PEX14: variants seen among roughly 807,000 people sequenced by gnomAD.
The protein encoded by PEX14 is peroxisomal biogenesis factor 14.
Under a neutral mutation model 49.5 loss-of-function variants are expected in PEX14, and 15 were observed. The ratio of observed to expected loss-of-function variants is 0.30; its 90% CI spans 0.20 to 0.47. The LOEUF (loss-of-function observed/expected upper bound fraction) is 0.47. PEX14 is among the 20% of genes least tolerant of loss of function. PEX14 has a pLI of 1.00. For missense variants in PEX14, 398 were observed against 494.8 expected, an observed-to-expected ratio of 0.80 and a Z score of 1.86; for synonymous variants, 210 against 212.7, an observed-to-expected ratio of 0.99 and a Z score of 0.11.
chr1:10,555,642 A>AGTGTGTGTGTGTGTGTGT (rs56824548), intron 3 of PEX14, among the ~76,000 whole-genome samples: 40 of 149,370 alleles, frequency 2.7e-4, no homozygotes, highest in Non-Finnish European at 5.8e-4. Context: ...GCAAGGTGTG[A>AGTGTGTGTGTGTGTGTGT]GTGTGTGTGT....
intron 4 of PEX14, among the ~76,000 whole-genome samples, 191 bp from the exon 5 acceptor site, chr1:10,618,141 A>G (rs1441473901): frequency 6.6e-6 from 1 of 152,184 alleles, no homozygotes; most frequent in Non-Finnish European, 1.5e-5. Context: ...GTCCCAGTTG[A>G]GGCAGTGGGA....
In PEX14 at chr1:10,494,506, C is replaced by G. The variant is rs1040415218; in HGVS notation, c.37-768C>G. ...AGAATCTGTCTCTACCTCTGCCTCTCCCTTTCTCTAAATTTTGGCCAGATC... is the reference window on the plus strand; with the variant it reads ...AGAATCTGTCTCTACCTCTGCCTCTGCCTTTCTCTAAATTTTGGCCAGATC... On this transcript the variant is annotated intron_variant, in intron 1 of 8. Transcript: ENST00000356607. The surrounding 1 kb of genome is among the most constrained non-coding windows in gnomAD (Gnocchi z 4.3). 1.3e-5 allele frequency among the ~76,000 whole-genome samples: 2 copies of G among 152,224 alleles called. No homozygotes were observed. The highest frequency in any genetic ancestry group is 4.8e-5 in the African/African-American group (2 of 41,462).
chr1:10,602,407 G>C (rs76369603), intron 4 of PEX14, among the ~76,000 whole-genome samples: 21,065 of 151,092 alleles, frequency 0.14, 1,876 homozygotes, highest in Non-Finnish European at 0.19. Context: ...TTTGCCAAGA[G>C]GTGTCAAAAC....
chr1:10,591,635 CTGTGTGTGTGTGTG>C (rs61635531), intron 3 of PEX14, among the ~76,000 whole-genome samples: 192 of 139,740 alleles, frequency 1.4e-3, no homozygotes, highest in African/African-American at 4.6e-3. Flanking sequence ...GGTATACACA[CTGTGTGTGTGTGTG>C]TGTGTGTGTG....
At chr1:10,519,767 CT>C (rs1357158665) in intron 2 of PEX14, among the ~76,000 whole-genome samples, 1 of 152,200 alleles carries the variant, frequency 6.6e-6, no homozygotes, top group Non-Finnish European at 1.5e-5. Flanking sequence ...TTACTAGTGA[CT>C]TTTAAAAACT....
At chr1:10,480,208 T>TTTTTG (rs1641259016) in intron 1 of PEX14, among the ~76,000 whole-genome samples, 1 of 151,318 alleles carries the variant, frequency 6.6e-6, no homozygotes, top group Admixed American at 6.6e-5. Context: ...ATGTTTTTTT[T>TTTTTG]TTTTGTTTTG....
In PEX14 at chr1:10,557,923, C is replaced by T. The variant is rs533646898; in HGVS notation, c.169+21626C>T. Reference sequence around the variant, plus strand: ...AACAGGGAATATAACTTTATTTTTTCCTGTTGACCAACTGGATAGTCTCAG... The same window carrying T: ...AACAGGGAATATAACTTTATTTTTTTCTGTTGACCAACTGGATAGTCTCAG... On this transcript the variant is annotated intron_variant, in intron 3 of 8. Coordinates refer to ENST00000356607, the MANE Select transcript of PEX14 (RefSeq NM_004565.3). Among the ~76,000 whole-genome samples the T allele has an allele frequency of 2.8e-4, 42 of 150,782 alleles. 1 individual carries two copies. Among genetic ancestry groups the T allele is most frequent in the African/African-American group, 9.5e-4 (39 of 40,970 alleles).
At chr1:10,563,725 C>T (rs1178397916) in intron 3 of PEX14, among the ~76,000 whole-genome samples, 1 of 151,876 alleles carries the variant, frequency 6.6e-6, no homozygotes, top group African/African-American at 2.4e-5. Context: ...GAGATTGAGA[C>T]CACGGTGAAA....
Position 10,512,692 on chromosome 1 carries a change from CTTTT to C in PEX14, c.84+17379_84+17382del, listed in dbSNP as rs57693471. Among the ~76,000 whole-genome samples, 2 of 147,260 alleles carry C rather than the reference CTTTT, an allele frequency of 1.4e-5. No homozygotes were observed. The highest frequency in any genetic ancestry group is 5.0e-5 in the African/African-American group (2 of 40,332). ...TGAAATGCTCCCTGTTCTTTTCCTT[CTTTT>C]TTTTTTTAACTTTTATTTTTTATGA... On this transcript the variant is annotated intron_variant, in intron 2 of 8. Transcript: ENST00000356607. The surrounding 1 kb of genome is among the most constrained non-coding windows in gnomAD (Gnocchi z 4.6).
chr1:10,582,350 T>C (rs1003762515), intron 3 of PEX14, among the ~76,000 whole-genome samples: 3 of 152,152 alleles, frequency 2.0e-5, no homozygotes, highest in African/African-American at 4.8e-5. Flanking sequence ...ATTTTAGGTT[T>C]TGGGGATACA....
intron 3 of PEX14, among the ~76,000 whole-genome samples, chr1:10,555,031 G>A (rs1317025836): frequency 6.6e-6 from 1 of 152,142 alleles, no homozygotes; most frequent in Non-Finnish European, 1.5e-5. Flanking sequence ...GTGGAAAGCA[G>A]CCTTCTTCTT....
chr1:10,536,494 G>A (rs557934225), intron 3 of PEX14, 197 bp downstream of exon 3: 11 of 606,036 alleles, frequency 1.8e-5, no homozygotes, highest in East Asian at 2.9e-5. Context: ...AAGATGACAC[G>A]ATTCGGGTAA....
intron 3 of PEX14, among the ~76,000 whole-genome samples, chr1:10,587,083 G>A (rs551650012): frequency 5.6e-4 from 85 of 152,236 alleles, no homozygotes; most frequent in Middle Eastern, 3.4e-3. Context: ...TGTGTTCACC[G>A]TGGGAAAATT....
intron 2 of PEX14, among the ~76,000 whole-genome samples, chr1:10,503,463 C>T (rs1282588408): frequency 1.3e-5 from 2 of 151,386 alleles, no homozygotes; most frequent in Non-Finnish European, 2.9e-5. Context: ...CATGCCCTAC[C>T]ATTGCTGAAG....
chr1:10,587,928 AAAG>A (rs1640547967), intron 3 of PEX14, among the ~76,000 whole-genome samples: 2 of 147,800 alleles, frequency 1.4e-5, no homozygotes, highest in African/African-American at 2.5e-5. Context: ...TTTAAAAAAA[AAAG>A]AGATGGAGTC....
intron 4 of PEX14, among the ~76,000 whole-genome samples, chr1:10,612,716 C>T (rs1313170794): frequency 6.6e-6 from 1 of 152,270 alleles, no homozygotes; most frequent in Non-Finnish European, 1.5e-5. Context: ...CGTCTCTCTG[C>T]ACTTGTGCTC....
intron 3 of PEX14, among the ~76,000 whole-genome samples, chr1:10,595,537 T>C (rs999950078): frequency 1.2e-4 from 19 of 152,220 alleles, no homozygotes; most frequent in African/African-American, 4.6e-4. Context: ...AAAGGCTTAG[T>C]GCCAGTGGTG....
chr1:10,589,975 CT>C, intron 3 of PEX14, among the ~76,000 whole-genome samples: 1 of 152,190 alleles, frequency 6.6e-6, no homozygotes, highest in Non-Finnish European at 1.5e-5. Context: ...TCAGTGTTAC[CT>C]TTCAGCTTGA....
chr1:10,485,704 G>C (rs917977467), intron 1 of PEX14, among the ~76,000 whole-genome samples: 1 of 150,114 alleles, frequency 6.7e-6, no homozygotes, highest in Non-Finnish European at 1.5e-5. Flanking sequence ...AAATAAAATT[G>C]AATTTTATAT....
Sources: allele counts gnomAD v4.1 joint callset (sites outside exome capture counted in the v4.1 genomes callset), GRCh38; gene constraint gnomAD v4.1.1; non-coding constraint Gnocchi (gnomAD v3.1); transcripts MANE v1.5; gene names NCBI Gene and HGNC (gene_info 2026-07-23, HGNC 2026-07-21).